Variants in PCDHGA1 observed in about 807,000 individuals in gnomAD.
The protein encoded by PCDHGA1 is protocadherin gamma-A1.
Under a neutral mutation model 58.0 loss-of-function variants are expected in PCDHGA1, and 32 were observed. That is an observed-to-expected ratio of 0.55 (90% confidence interval 0.42 to 0.74). The LOEUF (loss-of-function observed/expected upper bound fraction) is 0.74, where lower values mean the gene tolerates loss of function less well. PCDHGA1 is among the 30% of genes least tolerant of loss of function. PCDHGA1 has a pLI of 0.00. For missense variants in PCDHGA1, 1,205 were observed against 1,182.3 expected (o/e 1.02, Z -0.28); for synonymous variants, 498 against 501.1 (o/e 0.99, Z 0.08).
At chr5:141,405,074 G>A (rs536930748) in intron 1 of PCDHGA1, 7 of 1,613,794 alleles carry the variant, frequency 4.3e-6, no homozygotes, top group Non-Finnish European at 5.1e-6. Context: ...CCTCACCTTC[G>A]TTATCACGCT....
intron 1 of PCDHGA1, chr5:141,384,634 C>T: frequency 6.2e-7 from 1 of 1,614,208 alleles, no homozygotes; most frequent in Non-Finnish European, 8.5e-7. Flanking sequence ...GGAGCTGGCA[C>T]CCCGCTCCGC....
In PCDHGA1 at chr5:141,389,510, G is replaced by A. The variant is rs527483186; in HGVS notation, c.2421+56405G>A. The A allele has an allele frequency of 5.0e-6, 8 of 1,613,140 alleles. No individual in the cohort carries two copies. In the African/African-American group the frequency reaches 6.7e-5, roughly 13 times the overall value. ...ACCAGGGCTCGCCAGCGCTCAGCGC[G>A]AACGTGAGCCTGCGCGTGTTAGTGG... On this transcript the variant is annotated intron_variant, in intron 1 of 3. Transcript: ENST00000517417.
chr5:141,336,099 C>G (rs1756600694), intron 1 of PCDHGA1, among the ~76,000 whole-genome samples: 2 of 151,882 alleles, frequency 1.3e-5, no homozygotes, highest in Admixed American at 1.3e-4. Flanking sequence ...GAAAAAATAA[C>G]AAAGAGTTAC....
At chr5:141,454,870 C>T (rs2098805291) in intron 1 of PCDHGA1, among the ~76,000 whole-genome samples, 1 of 131,902 alleles carries the variant, frequency 7.6e-6, no homozygotes, top group Non-Finnish European at 1.5e-5. Context: ...TGCAGTGGCA[C>T]GATCTTGGCT....
intron 1 of PCDHGA1, among the ~76,000 whole-genome samples, chr5:141,370,104 TCTC>T (rs1276559358): frequency 6.6e-6 from 1 of 152,240 alleles, no homozygotes; most frequent in African/African-American, 2.4e-5. Context: ...TGCCGATTTT[TCTC>T]CTAACTAGCT....
At chr5:141,433,208 CTT>C (rs745329085) in intron 1 of PCDHGA1, 289 of 1,287,502 alleles carry the variant, frequency 2.2e-4, no homozygotes, top group South Asian at 2.8e-4. Context: ...AATCTTCTTT[CTT>C]TTTTTTTTTT....
chr5:141,418,753 A>G, intron 1 of PCDHGA1: 2 of 1,613,974 alleles, frequency 1.2e-6, no homozygotes, highest in South Asian at 2.2e-5. Context: ...ATTACACTAC[A>G]GGAAACATTC....
At chr5:141,421,283 T>G (rs2096560959) in intron 1 of PCDHGA1, 4 of 1,612,952 alleles carry the variant, frequency 2.5e-6, no homozygotes, top group Non-Finnish European at 3.4e-6. Flanking sequence ...CTGCTGTGCA[T>G]TTTCCTGGGG....
rs1247622738 is a variant in PCDHGA1 at position 141,339,685 on chromosome 5, T to A, written c.2421+6580T>A. ...TGAAGGTCCTGGATGCGAACGACAA[T>A]GCGCCTGTTTTTACACAGCCCGAGT... On this transcript the variant is annotated intron_variant, in intron 1 of 3. Transcript: ENST00000517417. The A allele has an allele frequency of 1.9e-6, 3 of 1,614,118 alleles. No homozygotes were observed. The African/African-American group carries it at 4.0e-5, about 22-fold the overall frequency.
intron 1 of PCDHGA1, chr5:141,423,852 GT>G (rs971165220): frequency 2.5e-5 from 32 of 1,279,282 alleles, no homozygotes; most frequent in Non-Finnish European, 3.0e-5. Context: ...CTTTCAGAAC[GT>G]TTTTGTGAAA....
At chr5:141,434,323 T>G (rs578049856) in intron 1 of PCDHGA1, among the ~76,000 whole-genome samples, 1 of 152,358 alleles carries the variant, frequency 6.6e-6, no homozygotes, top group South Asian at 2.1e-4. Flanking sequence ...CTCTTGCTGC[T>G]TGTCTCTTTG....
At chr5:141,472,040 G>T (rs1431219928) in intron 1 of PCDHGA1, among the ~76,000 whole-genome samples, 4 of 152,018 alleles carry the variant, frequency 2.6e-5, no homozygotes, top group Non-Finnish European at 5.9e-5. Flanking sequence ...GCTGTGAAAA[G>T]ATTTTAAAAA....
intron 1 of PCDHGA1, chr5:141,350,553 A>G (rs1758502630): frequency 1.9e-6 from 3 of 1,613,934 alleles, no homozygotes; most frequent in Non-Finnish European, 2.5e-6. Context: ...AGGAAACTTG[A>G]GTGTGCACTA....
chr5:141,480,837 G>T (rs1435750544), intron 1 of PCDHGA1, among the ~76,000 whole-genome samples: 2 of 152,168 alleles, frequency 1.3e-5, no homozygotes, highest in African/African-American at 4.8e-5. Flanking sequence ...ATAAGATCAG[G>T]AGTTTGAGAC....
chr5:141,394,491 C>A lies in PCDHGA1; in HGVS notation c.2421+61386C>A, dbSNP rs1477855534. 4 of 1,614,234 alleles carry A rather than the reference C, an allele frequency of 2.5e-6. No homozygotes were observed. The highest frequency in any genetic ancestry group is 2.5e-6 in the Non-Finnish European group (3 of 1,180,046). On this transcript the variant is annotated intron_variant, in intron 1 of 3. Transcript: ENST00000517417. The stretch of plus-strand genomic sequence containing the variant: ...CGTGCTGGACCAGAATGACAACGCG[C>A]CCGAGATCCTGTACCCCGCCCTCCC...
At chr5:141,467,582 TGCCATTTATTAA>T (rs2099146610) in intron 1 of PCDHGA1, among the ~76,000 whole-genome samples, 2 of 152,216 alleles carry the variant, frequency 1.3e-5, no homozygotes, top group Non-Finnish European at 1.5e-5. Context: ...GTTGTCCCAA[TGCCATTTATTAA>T]GCACTTCATC....
In PCDHGA1 at chr5:141,490,996, G is replaced by A; in HGVS notation, c.2422-3811G>A. ...GCGTCTCCCTCGCTCTGCTCCTCCT[G>A]GCTCCTTGGTCACCAAGGTGACAGC... is the stretch of plus-strand genomic sequence containing the variant. On this transcript the variant is annotated intron_variant, in intron 1 of 3. Transcript: ENST00000517417. This position sits in a 1 kb window ranked among gnomAD's most constrained non-coding sequence, Gnocchi z 5.4. The A allele has an allele frequency of 6.2e-7, 1 of 1,614,090 alleles. No individual in the cohort carries two copies. The highest frequency in any genetic ancestry group is 8.5e-7 in the Non-Finnish European group (1 of 1,180,028).
chr5:141,371,434 T>C, intron 1 of PCDHGA1: 1 of 1,614,004 alleles, frequency 6.2e-7, no homozygotes, highest in Non-Finnish European at 8.5e-7. Flanking sequence ...GCCCCGGAGA[T>C]AACCCTGGCT....
At position 141,431,427 on chromosome 5, in the gene PCDHGA1, C is replaced by G. The variant is rs1269666597; in HGVS notation, c.2422-63380C>G. The stretch of plus-strand genomic sequence containing the variant: ...TCCGACGGGGGCGACCCGGTGCGCA[C>G]AGGCACCGCGCGCATCCGCGTGATG... On this transcript the variant is annotated intron_variant, in intron 1 of 3. Transcript: ENST00000517417. The surrounding 1 kb of genome is among the most constrained non-coding windows in gnomAD (Gnocchi z 4.8). 1.2e-6 allele frequency: 2 copies of G among 1,613,584 alleles called. No homozygotes were observed.
Sources: allele counts gnomAD v4.1 joint callset (sites outside exome capture counted in the v4.1 genomes callset), GRCh38; gene constraint gnomAD v4.1.1; non-coding constraint Gnocchi (gnomAD v3.1); transcripts MANE v1.5; gene names NCBI Gene and HGNC (gene_info 2026-07-23, HGNC 2026-07-21).